Variants in CENPE observed in about 807,000 individuals in gnomAD.
The protein encoded by CENPE is centromere-associated protein E.
Under a neutral mutation model 336.1 loss-of-function variants are expected in CENPE, and 145 were observed. That is an observed-to-expected ratio of 0.43 (90% confidence interval 0.38 to 0.50). The LOEUF (loss-of-function observed/expected upper bound fraction) is 0.50. Ranked by LOEUF, CENPE falls within the 20% of genes least tolerant of loss-of-function variation. The pLI is 0.00. For missense variants in CENPE, 2,719 were observed against 3,023.3 expected (o/e 0.90, Z 2.36); for synonymous variants, 1,013 against 984.8 (o/e 1.03, Z -0.54).
At chr4:103,119,814 G>GA (rs1002715228) in intron 44 of CENPE, among the ~76,000 whole-genome samples, 1 of 151,566 alleles carries the variant, frequency 6.6e-6, no homozygotes, top group African/African-American at 2.4e-5. Context: ...CAGTAAGTAG[G>GA]AAAAAAAGAA....
rs778228546 is a variant in CENPE, at chr4:103,163,528, T to C, written c.1673A>G (p.Asn558Ser). ...QEMQLIHEIS[N>S]LKNLVKHAEV... is the part of the protein sequence containing the mutation. ...TGCATGCTTAACTAAATTCTTTAAG[T>C]TCGAAATTTCATGAATTAGTTGCAT... is the stretch of plus-strand genomic sequence containing the variant. Residue 558 changes from asparagine (N) to serine (S), a missense_variant, in exon 17 of 49, where the codon AAC (asparagine) becomes AGC (serine). Physicochemically the swap from Asn to Ser is conservative, Grantham distance 46. Coordinates refer to ENST00000265148, the MANE Select transcript of CENPE (RefSeq NM_001813.3). 5.7e-6 allele frequency: 9 copies of C among 1,592,820 alleles called. No homozygotes were observed. Among genetic ancestry groups the C allele is most frequent in the Admixed American group, 1.7e-5 (1 of 57,274 alleles).
intron 24 of CENPE, among the ~76,000 whole-genome samples, 173 bp downstream of exon 24, chr4:103,158,127 A>G (rs897472224): frequency 6.6e-6 from 1 of 151,888 alleles, no homozygotes; most frequent in African/African-American, 2.4e-5. Flanking sequence ...TTGATTATAA[A>G]CATATTCTAT....
chr4:103,123,038 T>C lies in CENPE; in HGVS notation c.6976A>G (p.Lys2326Glu). 7 of 1,613,980 alleles carry C rather than the reference T, an allele frequency of 4.3e-6. No individual in the cohort carries two copies. Among genetic ancestry groups the C allele is most frequent in the East Asian group, 2.2e-5 (1 of 44,852 alleles). ...GATTTCAGGTCCTGTTCCCACTCTT[T>C]GGATATGGTAGCACTTCTTTCCTCA... ...EFEERSATIS[K>E]EWEQDLKSLK... Residue 2326 changes from lysine to glutamate, a missense_variant, in exon 43 of 49, where the codon AAA becomes GAA. Lys to Glu is a moderately conservative substitution (Grantham distance 56, BLOSUM62 1). Around this residue, in one of 5 missense-constraint regions of CENPE, gnomAD observed 2,437 missense variants for 2,513.3 expected, o/e 0.97. Transcript: ENST00000265148.
chr4:103,175,928 A>C (rs192279654), intron 15 of CENPE, 32 bp downstream of exon 15: 1 of 1,289,998 alleles, frequency 7.8e-7, no homozygotes, highest in East Asian at 2.4e-5. Flanking sequence ...AAAGAGTAAA[A>C]GCATTATATG....
intron 8 of CENPE, among the ~76,000 whole-genome samples, chr4:103,190,625 C>T (rs1424829093): frequency 2.0e-5 from 3 of 152,138 alleles, no homozygotes; most frequent in Non-Finnish European, 4.4e-5. Context: ...TTCCTTACAC[C>T]TTATACAAAA....
rs1268028074 is a variant in CENPE at position 103,120,277 on chromosome 4, C to T, written c.7200G>A (p.Lys2400=). The T allele has an allele frequency of 3.7e-6, 6 of 1,611,930 alleles. No individual in the cohort carries two copies. Among genetic ancestry groups the T allele is most frequent in the Non-Finnish European group, 4.2e-6 (5 of 1,179,434 alleles). ...TCTGCATCTTTATAATCTTGCTTTCCTTATGCATAGCACTTTCTTTAGCTT... is the reference window on the plus strand; with the variant it reads ...TCTGCATCTTTATAATCTTGCTTTCTTTATGCATAGCACTTTCTTTAGCTT... The part of the protein sequence containing the change: ...LHEAKESAMH[K]ESKIIKMQKE... The change falls in exon 44 of 49, where the codon AAG becomes AAA. Residue 2400 remains lysine, a synonymous_variant. Transcript: ENST00000265148.
At chr4:103,165,070 T>TGCACAGAA (rs139859850) in intron 16 of CENPE, among the ~76,000 whole-genome samples, 62 of 152,052 alleles carry the variant, frequency 4.1e-4, no homozygotes, top group African/African-American at 1.5e-3. Context: ...CTGGTTCTTA[T>TGCACAGAA]GCATAGAAAA....
In CENPE at chr4:103,160,636, G is replaced by C. The variant is rs547029024; in HGVS notation, c.2275C>G (p.Leu759Val). Residue 759 changes from leucine to valine, a missense_variant, in exon 21 of 49, where the codon CTG becomes GTG. Physicochemically the swap from Leu to Val is conservative, Grantham distance 32 (BLOSUM62 1). Transcript: ENST00000265148. ...ATAAATGTGTTTACCTCTTTCCTCA[G>C]CCTTTCTACTTCAGAAGGTAAAGAT... ...LKSLPSEVER[L>V]RKEIQDKSEE... is the part of the protein sequence containing the mutation. 2.5e-6 allele frequency: 4 copies of C among 1,607,658 alleles called. No individual in the cohort carries two copies. The South Asian group carries it at 4.4e-5, about 18-fold the overall frequency.
intron 16 of CENPE, among the ~76,000 whole-genome samples, chr4:103,167,867 T>C (rs958200595): frequency 1.3e-5 from 2 of 152,130 alleles, no homozygotes; most frequent in Non-Finnish European, 2.9e-5. Context: ...TCACACACTC[T>C]AGGGTCTCGG....
At chr4:103,134,043 C>T in intron 40 of CENPE, 151 bp from the exon 41 acceptor site, 1 of 641,232 alleles carries the variant, frequency 1.6e-6, no homozygotes, top group Non-Finnish European at 2.7e-6. Context: ...TCTCTCTATC[C>T]CCAGTTTTTC....
intron 8 of CENPE, 24 bp downstream of exon 8, chr4:103,194,205 T>C (rs762335548): frequency 3.1e-6 from 5 of 1,589,742 alleles, no homozygotes; most frequent in East Asian, 4.5e-5. Flanking sequence ...ATACAGTACA[T>C]TATTATGGTT....
At chr4:103,148,327 G>C (rs1162727766) in intron 28 of CENPE, among the ~76,000 whole-genome samples, 1 of 152,096 alleles carries the variant, frequency 6.6e-6, no homozygotes, top group Admixed American at 6.6e-5. Flanking sequence ...GGGCTCCAAT[G>C]CTATGTCTCA....
Position 103,114,473 on chromosome 4 carries a change from GT to G in CENPE, c.7521del (p.Gln2507HisfsTer8). The G allele has an allele frequency of 6.2e-7, 1 of 1,608,750 alleles. No individual in the cohort carries two copies. Among genetic ancestry groups the G allele is most frequent in the Non-Finnish European group, 8.5e-7 (1 of 1,176,194 alleles). On this transcript the variant is annotated frameshift_variant, in exon 46 of 49. Transcript: ENST00000265148. LOFTEE classifies it high-confidence loss of function. Reference sequence around the variant, plus strand: ...TACTTACCTGAGGTATCTTGGGCCTGTTGACTTCTTCTGAGATTTTCTCTCA... The same window carrying G: ...TACTTACCTGAGGTATCTTGGGCCTGTGACTTCTTCTGAGATTTTCTCTCA... ...RLLRENLRRS[Q>X]QAQDTSVISE...
In CENPE at chr4:103,129,553, A is replaced by G. The variant is rs552624818; in HGVS notation, c.6924+3140T>C. On this transcript the variant is annotated intron_variant, in intron 42 of 48. Transcript: ENST00000265148. ...GGAGTTCGAGACCAGCCTGACCAAC[A>G]TGGTGAAACCCGTCTCTACTAAAAA... Among the ~76,000 whole-genome samples the G allele has an allele frequency of 1.3e-3, 198 of 152,154 alleles. 6 individuals carry two copies. The South Asian group carries it at 0.04, about 31-fold the overall frequency.
chr4:103,142,239 T>A (rs1752623754), intron 34 of CENPE, among the ~76,000 whole-genome samples: 1 of 152,232 alleles, frequency 6.6e-6, no homozygotes, highest in East Asian at 1.9e-4. Flanking sequence ...CTGTGGCATA[T>A]GTATACGTTG....
intron 29 of CENPE, 76 bp from the exon 30 acceptor site, chr4:103,146,183 T>C (rs1436799791): frequency 1.7e-5 from 23 of 1,349,138 alleles, no homozygotes; most frequent in Non-Finnish European, 2.3e-5. Flanking sequence ...CAGGATGCTT[T>C]CTAAAACAAT....
At chr4:103,186,700 A>G (rs1756799340) in intron 8 of CENPE, among the ~76,000 whole-genome samples, 1 of 152,224 alleles carries the variant, frequency 6.6e-6, no homozygotes, top group South Asian at 2.1e-4. Context: ...AGATAAAAAG[A>G]CAAATAAGAA....
intron 9 of CENPE, among the ~76,000 whole-genome samples, chr4:103,184,506 C>T (rs1001608680): frequency 2.0e-4 from 31 of 152,212 alleles, no homozygotes; most frequent in African/African-American, 6.7e-4. Flanking sequence ...AATTTTTGAG[C>T]TACTTATAAT....
Position 103,147,431 on chromosome 4 carries a change from G to A in CENPE, c.4059C>T (p.Asn1353=), listed in dbSNP as rs1404031598. Residue 1353 remains asparagine (N), a synonymous_variant, in exon 29 of 49, where the codon AAC becomes AAT. Transcript: ENST00000265148. Reference sequence around the variant, plus strand: ...CAAGGGCTTCTTTTATCGTTTTAAGGTTGTCTCTTTCCTTGGTTAGAGATT... The same window carrying A: ...CAAGGGCTTCTTTTATCGTTTTAAGATTGTCTCTTTCCTTGGTTAGAGATT... ...EIKSLTKERD[N]LKTIKEALEV... The A allele has an allele frequency of 1.2e-6, 2 of 1,613,750 alleles. No homozygotes were observed. Among genetic ancestry groups the A allele is most frequent in the African/African-American group, 1.3e-5 (1 of 74,886 alleles).
Sources: allele counts gnomAD v4.1 joint callset (sites outside exome capture counted in the v4.1 genomes callset), GRCh38; gene constraint gnomAD v4.1.1; regional missense constraint gnomAD v4.1.1; transcripts MANE v1.5; gene names NCBI Gene and HGNC (gene_info 2026-07-23, HGNC 2026-07-21).